Variants in IL5RA observed in about 807,000 individuals in gnomAD.
The protein encoded by IL5RA is interleukin 5 receptor subunit alpha.
A neutral mutation model predicts 50.0 loss-of-function variants in IL5RA; 49 were observed. The observed-to-expected ratio is 0.98, with a 90% CI of 0.78 to 1.24. IL5RA has a LOEUF of 1.24. IL5RA is among the 50% of genes most tolerant of loss of function. The pLI is 0.00. For synonymous variants in IL5RA, 202 were observed against 174.0 expected, an observed-to-expected ratio of 1.16 and a Z score of -1.26; for missense variants, 600 against 500.4, an observed-to-expected ratio of 1.20 and a Z score of -1.90.
At chr3:3,105,308 G>A (rs746150152) in intron 2 of IL5RA, among the ~76,000 whole-genome samples, 6 of 152,140 alleles carry the variant, frequency 3.9e-5, no homozygotes, top group South Asian at 2.1e-4. Flanking sequence ...AGTCCTTGAC[G>A]CACACAACAG....
At position 3,102,871 on chromosome 3, in the gene IL5RA, C is replaced by T. The variant is rs369103335; in HGVS notation, c.83-51G>A. On this transcript the variant is annotated intron_variant, in intron 3 of 11. Transcript: ENST00000446632. ...AACACAATGTTCAACTGGACATAGGCAGCACTTTTAAAACTTTTCGAATAT... is the reference window on the plus strand; with the variant it reads ...AACACAATGTTCAACTGGACATAGGTAGCACTTTTAAAACTTTTCGAATAT... The T allele has an allele frequency of 9.9e-6, 15 of 1,518,848 alleles. No individual in the cohort carries two copies. In the African/African-American group the frequency reaches 2.0e-4, roughly 20 times the overall value. 94.1% of individuals were successfully genotyped at this position (1,518,848 alleles called of 1,614,324 possible). A position where few individuals can be genotyped will look rare whatever the true frequency, so the allele number is the denominator to read the frequency against.
Position 3,104,961 on chromosome 3 carries a change from T to C in IL5RA, c.24A>G (p.Leu8=). 6.2e-7 allele frequency: 1 copy of C among 1,612,600 alleles called. No individual in the cohort carries two copies. The highest frequency in any genetic ancestry group is 8.5e-7 in the Non-Finnish European group (1 of 1,178,904). The change falls in exon 3 of 12, where the codon TTA becomes TTG. Residue 8 remains leucine, a synonymous_variant. Transcript: ENST00000446632. The part of the protein sequence containing the change: MIIVAHV[L]LILLGATEIL... ...TCTCAGTGGCCCCCAAAAGGATGAG[T>C]AATACATGCGCCACGATGATCATAT...
rs1298396231 is a variant in IL5RA at position 3,101,829 on chromosome 3, T to C, written c.230A>G (p.Tyr77Cys). The change falls in exon 5 of 12, where the codon TAT becomes TGT. Residue 77 changes from tyrosine to cysteine, a missense_variant and splice_region_variant. Tyr to Cys is a radical substitution (Grantham distance 194, BLOSUM62 -2). Coordinates refer to ENST00000446632, the MANE Select transcript of IL5RA (RefSeq NM_175726.4). ...VKINAPKEDD[Y>C]ETRITESKCV... ...TTTGCTTTCAGTGATTCTGGTTTCA[T>C]ACTAAAAATAAAACCCACAAGTCAT... The C allele has an allele frequency of 1.2e-6, 2 of 1,613,206 alleles. No homozygotes were observed. Among genetic ancestry groups the C allele is most frequent in the Non-Finnish European group, 1.7e-6 (2 of 1,179,718 alleles).
chr3:3,083,702 C>T (rs1327388565), intron 9 of IL5RA, among the ~76,000 whole-genome samples: 1 of 152,208 alleles, frequency 6.6e-6, no homozygotes, highest in Non-Finnish European at 1.5e-5. Context: ...CAGATGAAAG[C>T]TGGCTGCAGA....
intron 7 of IL5RA, among the ~76,000 whole-genome samples, chr3:3,095,723 G>A (rs983437691): frequency 1.3e-5 from 2 of 150,612 alleles, no homozygotes; most frequent in African/African-American, 4.9e-5. Flanking sequence ...CCCCCCCTCA[G>A]CTCATTGCAA....
At position 3,092,209 on chromosome 3, in the gene IL5RA, A is replaced by G; in HGVS notation, c.994+15T>C. The G allele has an allele frequency of 1.9e-6, 3 of 1,607,328 alleles. No individual in the cohort carries two copies. The highest frequency in any genetic ancestry group is 2.5e-6 in the Non-Finnish European group (3 of 1,178,188). ...AAGGAAGGCTGCCAATGTAAAATAA[A>G]CATAAGCTACTTACCCACATAAATA... On this transcript the variant is annotated intron_variant, in intron 9 of 11. Coordinates refer to ENST00000446632, the MANE Select transcript of IL5RA (RefSeq NM_175726.4). This position sits in a 1 kb window ranked among gnomAD's most constrained non-coding sequence, Gnocchi z 4.2.
Position 3,102,999 on chromosome 3 carries a change from C to T in IL5RA, c.83-179G>A, listed in dbSNP as rs113076240. The T allele has an allele frequency of 3.7e-5, 18 of 488,628 alleles. 1 individual carries two copies. The highest frequency in any genetic ancestry group is 2.6e-4 in the African/African-American group (13 of 49,766). 30.3% of individuals were successfully genotyped at this position (488,628 alleles called of 1,614,324 possible). On this transcript the variant is annotated intron_variant, in intron 3 of 11. Coordinates refer to ENST00000446632, the MANE Select transcript of IL5RA (RefSeq NM_175726.4). ...CAAAGAGAAAGTGGCTATTTCTACC[C>T]GAGTAGCTGGGACTACAGGCGCATG...
intron 9 of IL5RA, among the ~76,000 whole-genome samples, chr3:3,084,507 C>A (rs953783105): frequency 1.3e-4 from 20 of 152,168 alleles, no homozygotes; most frequent in African/African-American, 4.6e-4. Context: ...AACATTTAGA[C>A]AAGAATGGCC....
intron 7 of IL5RA, 143 bp from the exon 8 acceptor site, chr3:3,095,587 C>T: frequency 1.4e-6 from 1 of 691,230 alleles, no homozygotes; most frequent in East Asian, 2.7e-5. Flanking sequence ...ATCAACTGAT[C>T]TCCAAGCCAC....
rs1703459915 is a variant in IL5RA, at chr3:3,098,285, G to A, written c.373C>T (p.Pro125Ser). The A allele has an allele frequency of 2.5e-6, 4 of 1,613,582 alleles. No homozygotes were observed. Among genetic ancestry groups the A allele is most frequent in the East Asian group, 4.5e-5 (2 of 44,904 alleles). Residue 125 changes from proline to serine, a missense_variant, in exon 6 of 12, where the codon CCT (proline) becomes TCT (serine). Pro to Ser is a moderately conservative substitution (Grantham distance 74). Transcript: ENST00000446632. ...GTTAAATTCACAATTGAGGTTCCAGGAGACCCTAGGTAGTCAAAAGTAAAA... is the reference window on the plus strand; with the variant it reads ...GTTAAATTCACAATTGAGGTTCCAGAAGACCCTAGGTAGTCAAAAGTAAAA... ...SAELHAPPGS[P>S]GTSIVNLTCT...
intron 9 of IL5RA, among the ~76,000 whole-genome samples, chr3:3,081,823 G>A (rs1285117051): frequency 6.6e-6 from 1 of 152,170 alleles, no homozygotes; most frequent in Non-Finnish European, 1.5e-5. Flanking sequence ...CACGGTCACT[G>A]CCGGGAGGGA....
At chr3:3,080,286 C>A (rs944686805) in intron 9 of IL5RA, among the ~76,000 whole-genome samples, 3 of 152,156 alleles carry the variant, frequency 2.0e-5, no homozygotes, top group Non-Finnish European at 4.4e-5. Context: ...ATTATTCTCA[C>A]TGTACAGATG....
chr3:3,081,658 C>T (rs572744347), intron 9 of IL5RA, among the ~76,000 whole-genome samples: 27 of 152,322 alleles, frequency 1.8e-4, no homozygotes, highest in African/African-American at 6.5e-4. Context: ...AAAATCTTTT[C>T]AGTTAAACCA....
chr3:3,073,213 A>T (rs1485803576), intron 11 of IL5RA, among the ~76,000 whole-genome samples: 1 of 152,212 alleles, frequency 6.6e-6, no homozygotes, highest in Non-Finnish European at 1.5e-5. Context: ...TTCACCACTT[A>T]TTGAAATTAA....
chr3:3,071,798 C>T (rs910157717), intron 11 of IL5RA, among the ~76,000 whole-genome samples: 4 of 152,126 alleles, frequency 2.6e-5, no homozygotes, highest in Non-Finnish European at 4.4e-5. Context: ...CCATGTTGGC[C>T]AGGCTGGTTT....
At chr3:3,070,603 A>C (rs1702266265) in intron 11 of IL5RA, among the ~76,000 whole-genome samples, 1 of 68,264 alleles carries the variant, frequency 1.5e-5, no homozygotes, top group Non-Finnish European at 2.5e-5. Context: ...TTTTTTTTAG[A>C]CAGAGTCTCA....
Position 3,070,193 on chromosome 3 carries a change from T to C in IL5RA, c.*32A>G. On this transcript the variant is annotated 3_prime_UTR_variant, in exon 12 of 12. Transcript: ENST00000446632. ...CTTTTCACTGAGGCACTGAGGCATG[T>C]GTGAGTTCATCAGAGGATGCCAAAG... 2 of 1,402,968 alleles carry C rather than the reference T, an allele frequency of 1.4e-6. No homozygotes were observed. The highest frequency in any genetic ancestry group is 2.0e-6 in the Non-Finnish European group (2 of 992,174). The allele number at this position is 1,402,968 out of a possible 1,614,324, so 86.9% of individuals were successfully genotyped here.
At chr3:3,094,627 A>T (rs1703269412) in intron 8 of IL5RA, among the ~76,000 whole-genome samples, 1 of 152,238 alleles carries the variant, frequency 6.6e-6, no homozygotes, top group African/African-American at 2.4e-5. Flanking sequence ...TGTAATCAGC[A>T]GTGGAATTGT....
At chr3:3,100,914 A>G (rs1223724630) in intron 5 of IL5RA, among the ~76,000 whole-genome samples, 1 of 151,748 alleles carries the variant, frequency 6.6e-6, no homozygotes, top group East Asian at 1.9e-4. Context: ...TGGGAGGCCG[A>G]GGCGGGTGGA....
Sources: gnomAD v4.1 joint callset for allele counts (sites outside exome capture counted in the v4.1 genomes callset) on GRCh38, gnomAD v4.1.1 for gene constraint, Gnocchi (gnomAD v3.1) non-coding constraint, MANE v1.5 for transcripts, NCBI Gene and HGNC (gene_info 2026-07-23, HGNC 2026-07-21) for gene names.